Variants in ERGIC3 observed in about 807,000 individuals in gnomAD.
ERGIC3 encodes ERGIC and golgi 3, also known as endoplasmic reticulum-Golgi intermediate compartment protein 3.
A neutral mutation model predicts 54.7 loss-of-function variants in ERGIC3; 33 were observed. The observed-to-expected ratio is 0.60, with a 90% CI of 0.46 to 0.81. ERGIC3 has a LOEUF of 0.81. Ranked by LOEUF, ERGIC3 falls within the 30% of genes least tolerant of loss-of-function variation. ERGIC3 has a pLI of 0.00. For missense variants in ERGIC3, 399 were observed against 488.4 expected, an observed-to-expected ratio of 0.82 and a Z score of 1.73; for synonymous variants, 186 against 189.8, an observed-to-expected ratio of 0.98 and a Z score of 0.16.
rs752335483 is a variant in ERGIC3, at chr20:35,557,081, A to T, written c.988A>T (p.Met330Leu). The T allele has an allele frequency of 6.2e-7, 1 of 1,614,120 alleles. No homozygotes were observed. Among genetic ancestry groups the T allele is most frequent in the Non-Finnish European group, 8.5e-7 (1 of 1,180,034 alleles). The change falls in exon 11 of 13, where the codon ATG becomes TTG. Residue 330 changes from methionine to leucine, a missense_variant. Physicochemically the swap from Met to Leu is conservative, Grantham distance 15. Transcript: ENST00000348547. ...GVFVLYELSP[M>L]MVKLTEKHRS... is the part of the protein sequence containing the mutation. ...CTTCGTCCTCTATGAGCTCTCGCCC[A>T]TGATGGTGAAGCTGACGGAGAAGCA... is the stretch of plus-strand genomic sequence containing the variant.
Position 35,542,551 on chromosome 20 carries a change from T to TA in ERGIC3, c.201dup (p.Leu68ThrfsTer20), listed in dbSNP as rs1406536925. 1 of 1,613,814 alleles carries TA rather than the reference T, an allele frequency of 6.2e-7. No individual in the cohort carries two copies. Among genetic ancestry groups the TA allele is most frequent in the African/African-American group, 1.3e-5 (1 of 74,848 alleles). On this transcript the variant is annotated frameshift_variant, in exon 3 of 13. Coordinates refer to ENST00000348547, the MANE Select transcript of ERGIC3 (RefSeq NM_015966.3). LOFTEE classifies it high-confidence loss of function. ...TCTACGTGGACAAGTCGCGGGGAGATAAACTGAAGATCAACATCGATGTAC... is the reference window on the plus strand; with the variant it reads ...TCTACGTGGACAAGTCGCGGGGAGATAAAACTGAAGATCAACATCGATGTAC...
intron 7 of ERGIC3, 121 bp downstream of exon 7, chr20:35,548,986 T>G: frequency 8.4e-7 from 1 of 1,193,954 alleles, no homozygotes; most frequent in East Asian, 2.4e-5. Context: ...GAGCAGGCCT[T>G]CATCTCAGGG....
At chr20:35,552,334 G>A (rs557288806) in intron 7 of ERGIC3, among the ~76,000 whole-genome samples, 3 of 152,282 alleles carry the variant, frequency 2.0e-5, no homozygotes, top group South Asian at 2.1e-4. Context: ...GGAAGAGTGC[G>A]TGGACTGGGG....
At chr20:35,549,959 C>A (rs1005344208) in intron 7 of ERGIC3, among the ~76,000 whole-genome samples, 3 of 151,956 alleles carry the variant, frequency 2.0e-5, no homozygotes, top group Non-Finnish European at 4.4e-5. Flanking sequence ...TTTCAACTTG[C>A]AATGGGTTTA....
intron 7 of ERGIC3, among the ~76,000 whole-genome samples, chr20:35,554,206 G>C (rs1411265992): frequency 1.3e-5 from 2 of 152,166 alleles, no homozygotes; most frequent in Non-Finnish European, 2.9e-5. Flanking sequence ...GGCCAGATTA[G>C]TTCACTCTCG....
Position 35,557,284 on chromosome 20 carries a change from G to A in ERGIC3, c.1072+35G>A, listed in dbSNP as rs753364175. 1.9e-6 allele frequency: 3 copies of A among 1,613,870 alleles called. No individual in the cohort carries two copies. In the South Asian group the frequency reaches 3.3e-5, roughly 18 times the overall value. On this transcript the variant is annotated intron_variant, in intron 12 of 12. Coordinates refer to ENST00000348547, the MANE Select transcript of ERGIC3 (RefSeq NM_015966.3). The stretch of plus-strand genomic sequence containing the variant: ...CCAGGGCGTCTGTGAGCTGTGGGGT[G>A]GGGAGGGTAAAGCCTGGGTGCCCCA...
chr20:35,542,595 G>A lies in ERGIC3; in HGVS notation c.242G>A (p.Cys81Tyr), dbSNP rs2064621480. ...NIDVLFPHMP[C>Y]AYLSIDAMDV... ...GATGTACTTTTTCCGCACATGCCTT[G>A]TGCCTGTGAGTACCTCACCATGGGT... The change falls in exon 3 of 13, where the codon TGT becomes TAT. Residue 81 changes from cysteine to tyrosine, a missense_variant. Transcript: ENST00000348547. 3 of 1,613,990 alleles carry A rather than the reference G, an allele frequency of 1.9e-6. No individual in the cohort carries two copies. The highest frequency in any genetic ancestry group is 2.5e-6 in the Non-Finnish European group (3 of 1,180,014).
At chr20:35,556,474 T>A (rs1568873554) in intron 10 of ERGIC3, 2 of 600,934 alleles carry the variant, frequency 3.3e-6, no homozygotes, top group African/African-American at 3.7e-5. Context: ...GCCTGCTCTT[T>A]CTGCTGCCCT....
chr20:35,556,851 C>A, intron 10 of ERGIC3, 122 bp from the exon 11 acceptor site: 1 of 1,378,762 alleles, frequency 7.3e-7, no homozygotes, highest in Non-Finnish European at 1.0e-6. Flanking sequence ...TAGCACGGTG[C>A]TGTGTTCTCT....
chr20:35,557,400 G>T (rs781340400), intron 12 of ERGIC3, 25 bp from the exon 13 acceptor site: 6 of 1,613,262 alleles, frequency 3.7e-6, no homozygotes, highest in South Asian at 3.3e-5. Context: ...CACTGGGCCA[G>T]TGCCAGCCCT....
chr20:35,547,423 G>C lies in ERGIC3; in HGVS notation c.379G>C (p.Val127Leu), dbSNP rs199597735. 30 of 1,614,026 alleles carry C rather than the reference G, an allele frequency of 1.9e-5. No individual in the cohort carries two copies. Among genetic ancestry groups the C allele is most frequent in the African/African-American group, 1.3e-5 (1 of 74,914 alleles). The change falls in exon 5 of 13, where the codon GTC becomes CTC. Residue 127 changes from valine to leucine, a missense_variant. Coordinates refer to ENST00000348547, the MANE Select transcript of ERGIC3 (RefSeq NM_015966.3). ...SEAERHELGK[V>L]EVTVFDPDSL... is the part of the protein sequence containing the mutation. ...TCCCCTCCCCTTAGAGCTTGGGAAA[G>C]TCGAGGTGACGGTGTTTGACCCTGA...
At chr20:35,544,054 CTAT>C (rs2064633685) in intron 4 of ERGIC3, 3 of 222,998 alleles carry the variant, frequency 1.3e-5, no homozygotes, top group Non-Finnish European at 2.7e-5. Context: ...ATCTATCTAT[CTAT>C]CTATCTGTCT....
chr20:35,542,131 G>A lies in ERGIC3; in HGVS notation c.34G>A (p.Ala12Thr). Residue 12 changes from alanine (A) to threonine (T), a missense_variant, in exon 1 of 13, where the codon GCC becomes ACC. Coordinates refer to ENST00000348547, the MANE Select transcript of ERGIC3 (RefSeq NM_015966.3). ...EALGKLKQFD[A>T]YPKTLEDFRV... ...GCTGGGGAAGCTGAAGCAGTTCGAT[G>A]CCTACCCCAAGACTTTGGAGGACTT... 6.4e-7 allele frequency: 1 copy of A among 1,567,088 alleles called. No individual in the cohort carries two copies. The highest frequency in any genetic ancestry group is 8.6e-7 in the Non-Finnish European group (1 of 1,157,102).
intron 4 of ERGIC3, chr20:35,543,734 A>T: frequency 2.1e-6 from 1 of 470,314 alleles, no homozygotes; most frequent in Non-Finnish European, 4.4e-6. Flanking sequence ...GAGCAAAGTC[A>T]TGGTTGTTGA....
At chr20:35,553,504 T>G (rs1403735773) in intron 7 of ERGIC3, among the ~76,000 whole-genome samples, 2 of 151,192 alleles carry the variant, frequency 1.3e-5, no homozygotes, top group African/African-American at 4.9e-5. Flanking sequence ...AAGGTGGGAG[T>G]TGGTGTCACA....
At chr20:35,547,850 G>A (rs1019362464) in intron 5 of ERGIC3, among the ~76,000 whole-genome samples, 6 of 152,128 alleles carry the variant, frequency 3.9e-5, no homozygotes, top group African/African-American at 1.2e-4. Flanking sequence ...ACATCTTCTC[G>A]TAAGAGTCAC....
chr20:35,556,066 T>C lies in ERGIC3; in HGVS notation c.751T>C (p.Phe251Leu). ...NMTHYIQHLS[F>L]GEDYPGIVNP... is the part of the protein sequence containing the mutation. ...GACCCACTACATCCAGCACCTGTCA[T>C]TTGGGGAGGACTATCCAGGCATTGT... The change falls in exon 9 of 13, where the codon TTT becomes CTT. Residue 251 changes from phenylalanine to leucine, a missense_variant. Coordinates refer to ENST00000348547, the MANE Select transcript of ERGIC3 (RefSeq NM_015966.3). 6.2e-7 allele frequency: 1 copy of C among 1,614,120 alleles called. No homozygotes were observed. Among genetic ancestry groups the C allele is most frequent in the Non-Finnish European group, 8.5e-7 (1 of 1,180,000 alleles).
intron 5 of ERGIC3, among the ~76,000 whole-genome samples, chr20:35,548,013 G>C (rs1403544755): frequency 6.6e-6 from 1 of 151,934 alleles, no homozygotes; most frequent in Non-Finnish European, 1.5e-5. Context: ...CTGGGAATGT[G>C]TACTTAAATT....
At chr20:35,543,139 T>A (rs536077208) in intron 4 of ERGIC3, 198 bp downstream of exon 4, 790 of 597,554 alleles carry the variant, frequency 1.3e-3, no homozygotes, top group Non-Finnish European at 1.8e-3. Flanking sequence ...AGTCAGGTAA[T>A]CTACCTGGCT....
Sources: gnomAD v4.1 joint callset for allele counts (sites outside exome capture counted in the v4.1 genomes callset) on GRCh38, gnomAD v4.1.1 for gene constraint, MANE v1.5 for transcripts, NCBI Gene and HGNC (gene_info 2026-07-23, HGNC 2026-07-21) for gene names.